The following TMEM178B variants were observed in gnomAD, a reference collection of about 807,000 sequenced individuals.
The protein encoded by TMEM178B is transmembrane protein 178B.
TMEM178B carries 5 observed loss-of-function variants against 31.0 expected under a neutral mutation model. The ratio of observed to expected loss-of-function variants is 0.16; its 90% CI spans 0.08 to 0.34. The LOEUF (loss-of-function observed/expected upper bound fraction) is 0.34. Ranked by LOEUF, TMEM178B falls within the 10% of genes least tolerant of loss-of-function variation. TMEM178B has a pLI of 1.00. For synonymous variants in TMEM178B, 164 were observed against 164.0 expected (o/e 1.00, Z 0.00); for missense variants, 275 against 400.3 (o/e 0.69, Z 2.67).
chr7:141,101,694 G>A (rs1795059906), intron 1 of TMEM178B, among the ~76,000 whole-genome samples: 1 of 152,218 alleles, frequency 6.6e-6, no homozygotes, highest in African/African-American at 2.4e-5. Flanking sequence ...TTGTGGTACA[G>A]TCAACTCCAT....
intron 2 of TMEM178B, among the ~76,000 whole-genome samples, chr7:141,225,207 C>A (rs538936158): frequency 6.6e-6 from 1 of 152,124 alleles, no homozygotes. Context: ...GCCAGGGAGC[C>A]CCACACATAT....
rs1273323754 is a variant in TMEM178B, at chr7:141,475,333, T to C, written c.*4547T>C. 2.0e-5 allele frequency: 3 copies of C among 152,254 alleles called. No homozygotes were observed. The highest frequency in any genetic ancestry group is 4.8e-5 in the African/African-American group (2 of 41,460). 9.4% of individuals were successfully genotyped at this position (152,254 alleles called of 1,614,324 possible). A position where few individuals can be genotyped will look rare whatever the true frequency, so the allele number is the denominator to read the frequency against. ...GCTGTGTTTGCCCTCTTTTCATTGA[T>C]GCTGCCATGATGCAAAATGTTTCTT... On this transcript the variant is annotated 3_prime_UTR_variant, in exon 4 of 4. Coordinates refer to ENST00000565468, the MANE Select transcript of TMEM178B (RefSeq NM_001195278.2).
At chr7:141,233,027 G>C (rs527404119) in intron 2 of TMEM178B, among the ~76,000 whole-genome samples, 1 of 152,350 alleles carries the variant, frequency 6.6e-6, no homozygotes, top group East Asian at 1.9e-4. Flanking sequence ...ACTTGGAACA[G>C]ATGGAGTGAG....
intron 1 of TMEM178B, among the ~76,000 whole-genome samples, chr7:141,184,005 G>A (rs1007132671): frequency 6.6e-6 from 1 of 152,166 alleles, no homozygotes; most frequent in Non-Finnish European, 1.5e-5. Flanking sequence ...TTGGAAACTC[G>A]TCCCTGCACT....
chr7:141,349,658 C>G (rs1217369072), intron 2 of TMEM178B, among the ~76,000 whole-genome samples: 1 of 152,092 alleles, frequency 6.6e-6, no homozygotes, highest in African/African-American at 2.4e-5. Context: ...TTTCATGGAA[C>G]AAAGGAAAGA....
At chr7:141,090,485 G>A (rs893593317) in intron 1 of TMEM178B, among the ~76,000 whole-genome samples, 2 of 152,232 alleles carry the variant, frequency 1.3e-5, no homozygotes, top group African/African-American at 2.4e-5. Flanking sequence ...GTTGTTGAGA[G>A]CAGCCTCCTC....
At chr7:141,414,843 G>A (rs979964952) in intron 2 of TMEM178B, 6 of 152,182 alleles carry the variant, frequency 3.9e-5, no homozygotes, top group Non-Finnish European at 8.8e-5. Context: ...CAAAAGTTGG[G>A]TCAATTATAT....
At chr7:141,392,490 T>G (rs574505980) in intron 2 of TMEM178B, among the ~76,000 whole-genome samples, 2 of 152,320 alleles carry the variant, frequency 1.3e-5, no homozygotes, top group South Asian at 4.1e-4. Flanking sequence ...CAGTGTAAAT[T>G]GCAGGCTTCA....
chr7:141,406,127 C>A (rs1268364331), intron 2 of TMEM178B, among the ~76,000 whole-genome samples: 1 of 152,208 alleles, frequency 6.6e-6, no homozygotes, highest in African/African-American at 2.4e-5. Flanking sequence ...TGTTACACTA[C>A]CAGAATGTCA....
chr7:141,502,568 C>T, the TMEM178B span, among the ~76,000 whole-genome samples: 3 of 152,118 alleles, frequency 2.0e-5, no homozygotes, highest in Non-Finnish European at 4.4e-5. Flanking sequence ...GTAGGGAGTT[C>T]GAGACCAGCC....
intron 2 of TMEM178B, among the ~76,000 whole-genome samples, chr7:141,267,164 C>T (rs1798106723): frequency 1.3e-5 from 2 of 152,240 alleles, no homozygotes; most frequent in Admixed American, 1.3e-4. Flanking sequence ...GAGAATTCAG[C>T]CAACGAGCGA....
chr7:141,359,565 G>A (rs1346847477), intron 2 of TMEM178B, among the ~76,000 whole-genome samples: 1 of 152,194 alleles, frequency 6.6e-6, no homozygotes, highest in Non-Finnish European at 1.5e-5. Flanking sequence ...TTGACTCACA[G>A]TGGATCACAT....
In TMEM178B at chr7:141,466,403, CA is replaced by C. The variant is rs796154854; in HGVS notation, c.635-4132del. ...ACCCGGACCTTATCCCTTCACTCCCCATTCATCAGCCACATCCTTTGTGTCT... is the reference window on the plus strand; with the variant it reads ...ACCCGGACCTTATCCCTTCACTCCCCTTCATCAGCCACATCCTTTGTGTCT... On this transcript the variant is annotated intron_variant, in intron 3 of 3. Transcript: ENST00000565468. Among the ~76,000 whole-genome samples, 27 of 152,328 alleles carry C rather than the reference CA, an allele frequency of 1.8e-4. 3 individuals carry two copies. Among genetic ancestry groups the C allele is most frequent in the African/African-American group, 6.0e-4 (25 of 41,576 alleles).
intron 2 of TMEM178B, among the ~76,000 whole-genome samples, chr7:141,374,134 T>C (rs1395851859): frequency 1.3e-5 from 2 of 152,136 alleles, no homozygotes; most frequent in East Asian, 3.9e-4. Flanking sequence ...TGATGTGAAG[T>C]CCGGGACTGT....
chr7:141,416,039 T>G (rs1801089807), intron 2 of TMEM178B: 1 of 152,702 alleles, frequency 6.5e-6, no homozygotes, highest in African/African-American at 2.4e-5. Flanking sequence ...TTAAATTCTT[T>G]GTTGAGTCAT....
intron 2 of TMEM178B, among the ~76,000 whole-genome samples, chr7:141,399,547 C>A (rs1800717024): frequency 6.6e-6 from 1 of 152,240 alleles, no homozygotes; most frequent in South Asian, 2.1e-4. Context: ...GAAATGTTCT[C>A]AATAATCACA....
chr7:141,148,501 A>G (rs551584086), intron 1 of TMEM178B, among the ~76,000 whole-genome samples: 3 of 152,290 alleles, frequency 2.0e-5, no homozygotes, highest in African/African-American at 4.8e-5. Context: ...CATGGCCTGG[A>G]GATTGGTCAG....
chr7:141,462,058 G>A (rs1389747026), intron 3 of TMEM178B, among the ~76,000 whole-genome samples: 1 of 152,144 alleles, frequency 6.6e-6, no homozygotes, highest in African/African-American at 2.4e-5. Context: ...CTTTCAAGCA[G>A]GGATTCACTG....
chr7:141,210,326 T>C (rs951541779), intron 1 of TMEM178B, among the ~76,000 whole-genome samples: 3 of 152,104 alleles, frequency 2.0e-5, no homozygotes, highest in Non-Finnish European at 4.4e-5. Flanking sequence ...TAGCTGGATG[T>C]GGTGGCACAT....
Sources: allele counts gnomAD v4.1 joint callset (sites outside exome capture counted in the v4.1 genomes callset), GRCh38; gene constraint gnomAD v4.1.1; transcripts MANE v1.5; gene names NCBI Gene and HGNC (gene_info 2026-07-23, HGNC 2026-07-21).